VAV1: variants seen among roughly 807,000 people sequenced by gnomAD.
VAV1 encodes vav guanine nucleotide exchange factor 1.
In VAV1, 33 loss-of-function variants were observed where a neutral mutation model predicts 128.1. The observed-to-expected ratio is 0.26, with a 90% confidence interval of 0.20 to 0.34. The LOEUF is 0.34. Among genes scored for constraint, VAV1 ranks in the 10% least tolerant of loss-of-function variants. VAV1 has a pLI of 1.00. For missense variants in VAV1, 715 were observed against 1,093.7 expected (o/e 0.65, Z 4.88); for synonymous variants, 394 against 409.8 (o/e 0.96, Z 0.47).
At chr19:6,849,591 G>A (rs1972616313) in intron 23 of VAV1, among the ~76,000 whole-genome samples, 1 of 152,012 alleles carries the variant, frequency 6.6e-6, no homozygotes, top group Non-Finnish European at 1.5e-5. Flanking sequence ...GGGATTACAG[G>A]CGTGAGCCAC....
In VAV1 at chr19:6,808,846, GC is replaced by G. The variant is rs557777276; in HGVS notation, c.205-11854del. On this transcript the variant is annotated intron_variant, in intron 1 of 26. Coordinates refer to ENST00000602142, the MANE Select transcript of VAV1 (RefSeq NM_005428.4). Reference sequence around the variant, plus strand: ...TGGCTGGGGTAGGTAGTCTAGGAGGGCCTCATTCACATATCTGCTGGTTGGC... The same window carrying G: ...TGGCTGGGGTAGGTAGTCTAGGAGGGCTCATTCACATATCTGCTGGTTGGC... Among the ~76,000 whole-genome samples the G allele has an allele frequency of 7.6e-3, 1,160 of 152,226 alleles. 16 individuals are homozygous for G. The highest frequency in any genetic ancestry group is 0.011 in the Non-Finnish European group (723 of 68,016).
intron 9 of VAV1, chr19:6,827,110 T>G: frequency 4.5e-6 from 1 of 223,174 alleles, no homozygotes; most frequent in Non-Finnish European, 9.3e-6. Context: ...CCTGGATCTG[T>G]CTGGTGGAAA....
intron 14 of VAV1, among the ~76,000 whole-genome samples, chr19:6,831,572 A>G (rs1249933016): frequency 1.3e-5 from 2 of 152,110 alleles, no homozygotes; most frequent in Non-Finnish European, 2.9e-5. Flanking sequence ...TCAGCCTCCC[A>G]AAATGCTGGG....
At chr19:6,801,032 T>C (rs1453599032) in intron 1 of VAV1, among the ~76,000 whole-genome samples, 3 of 152,188 alleles carry the variant, frequency 2.0e-5, no homozygotes, top group African/African-American at 7.2e-5. Context: ...CTCTCTGTGC[T>C]TCCCGGCACA....
At chr19:6,854,884 G>A (rs2144837164) in intron 26 of VAV1, among the ~76,000 whole-genome samples, 1 of 152,258 alleles carries the variant, frequency 6.6e-6, no homozygotes, top group Middle Eastern at 3.4e-3. Flanking sequence ...TATATGTGTT[G>A]GGGGAAAGCA....
At chr19:6,791,244 C>T (rs1316663726) in intron 1 of VAV1, among the ~76,000 whole-genome samples, 1 of 152,108 alleles carries the variant, frequency 6.6e-6, no homozygotes, top group African/African-American at 2.4e-5. Flanking sequence ...GATATCTCCT[C>T]ATCTCGAGGT....
At chr19:6,837,289 A>T (rs1416405154) in intron 21 of VAV1, among the ~76,000 whole-genome samples, 1 of 152,150 alleles carries the variant, frequency 6.6e-6, no homozygotes, top group Non-Finnish European at 1.5e-5. Context: ...TTTCCTTCCT[A>T]CATGGGTATG....
Position 6,822,602 on chromosome 19 carries a change from A to G in VAV1, c.654+88A>G. On this transcript the variant is annotated intron_variant, in intron 6 of 26. Transcript: ENST00000602142. The surrounding 1 kb of genome is among the most constrained non-coding windows in gnomAD (Gnocchi z 5.9). ...GTCCACCTGTCCGGCCGCTCTGGGC[A>G]GCTGAGGATTTCCTGCTCCCATCGC... The G allele has an allele frequency of 8.4e-7, 1 of 1,194,876 alleles. No homozygotes were observed. The highest frequency in any genetic ancestry group is 1.4e-5 in the South Asian group (1 of 72,394). 74.0% of individuals were successfully genotyped at this position (1,194,876 alleles called of 1,614,324 possible).
In VAV1 at chr19:6,822,271, A is replaced by G. The variant is rs1345103912; in HGVS notation, c.500A>G (p.Glu167Gly). The G allele has an allele frequency of 6.3e-7, 1 of 1,588,658 alleles. No homozygotes were observed. The stretch of plus-strand genomic sequence containing the variant: ...CTGTATGACTGCGTGGAGAATGAGG[A>G]GGCGGAAGGCGACGAGATCTATGAG... ...EDLYDCVENE[E>G]AEGDEIYEDL... The change falls in exon 5 of 27, where the codon GAG (glutamate) becomes GGG (glycine). Residue 167 changes from glutamate to glycine, a missense_variant. Coordinates refer to ENST00000602142, the MANE Select transcript of VAV1 (RefSeq NM_005428.4). This position sits in a 1 kb window ranked among gnomAD's most constrained non-coding sequence, Gnocchi z 5.9.
intron 1 of VAV1, among the ~76,000 whole-genome samples, chr19:6,815,270 C>T (rs1399816738): frequency 1.3e-5 from 2 of 152,104 alleles, no homozygotes; most frequent in East Asian, 3.9e-4. Context: ...GCCTCAGCCT[C>T]CCAAGTAGCT....
At chr19:6,845,673 TTTTA>T (rs1265448204) in intron 22 of VAV1, among the ~76,000 whole-genome samples, 6 of 149,920 alleles carry the variant, frequency 4.0e-5, no homozygotes, top group East Asian at 1.9e-4. Context: ...AATTAATGTT[TTTTA>T]TTTATGTTGC....
In VAV1 at chr19:6,792,188, CA is replaced by C. The variant is rs1971032950; in HGVS notation, c.204+19183del. Among the ~76,000 whole-genome samples, 6 of 151,014 alleles carry C rather than the reference CA, an allele frequency of 4.0e-5. No individual in the cohort carries two copies. The South Asian group carries it at 1.3e-3, about 32-fold the overall frequency. ...GCAACATAGTGAGATCCCACCTCTA[CA>C]AAAAACAAAAAAAGAAGAGAGATCT... On this transcript the variant is annotated intron_variant, in intron 1 of 26. Coordinates refer to ENST00000602142, the MANE Select transcript of VAV1 (RefSeq NM_005428.4).
chr19:6,799,375 G>T (rs1186522684), intron 1 of VAV1, among the ~76,000 whole-genome samples: 1 of 152,042 alleles, frequency 6.6e-6, no homozygotes, highest in African/African-American at 2.4e-5. Context: ...TCACCATGTT[G>T]ACCAGGCTGG....
chr19:6,848,746 C>CT lies in VAV1; in HGVS notation c.2129+641dup, dbSNP rs202232330. Among the ~76,000 whole-genome samples the CT allele has an allele frequency of 3.1e-3, 465 of 149,728 alleles. 2 individuals are homozygous for CT. Among genetic ancestry groups the CT allele is most frequent in the African/African-American group, 9.9e-3 (407 of 40,922 alleles). ...ACCAATTTTCATATATATGTTTTTT[C>CT]TTTTTTTTTAACTTCCAGGAATTTC... On this transcript the variant is annotated intron_variant, in intron 23 of 26. Coordinates refer to ENST00000602142, the MANE Select transcript of VAV1 (RefSeq NM_005428.4).
chr19:6,809,397 A>T (rs1211043900), intron 1 of VAV1, among the ~76,000 whole-genome samples: 1 of 152,162 alleles, frequency 6.6e-6, no homozygotes, highest in Non-Finnish European at 1.5e-5. Context: ...TTTGGCTGGT[A>T]GGAGCTGGAA....
Position 6,777,665 on chromosome 19 carries a change from GC to G in VAV1, c.204+4655del, listed in dbSNP as rs1484869599. Among the ~76,000 whole-genome samples, 2 of 152,160 alleles carry G rather than the reference GC, an allele frequency of 1.3e-5. No homozygotes were observed. Among genetic ancestry groups the G allele is most frequent in the Admixed American group, 6.6e-5 (1 of 15,260 alleles). ...TATGTTCAGGGCAGTGACTGGCCCAGCTGGTGGGAATGGTGCAGGAGGTCAG... is the reference window on the plus strand; with the variant it reads ...TATGTTCAGGGCAGTGACTGGCCCAGTGGTGGGAATGGTGCAGGAGGTCAG... On this transcript the variant is annotated intron_variant, in intron 1 of 26. Transcript: ENST00000602142. This position sits in a 1 kb window ranked among gnomAD's most constrained non-coding sequence, Gnocchi z 4.4.
chr19:6,792,421 C>T (rs1971037274), intron 1 of VAV1, among the ~76,000 whole-genome samples: 1 of 151,248 alleles, frequency 6.6e-6, no homozygotes, highest in African/African-American at 2.4e-5. Context: ...AGGGTGGTGT[C>T]TAGGTTTACA....
intron 16 of VAV1, 78 bp downstream of exon 16, chr19:6,833,363 G>A: frequency 3.4e-6 from 5 of 1,478,962 alleles, no homozygotes; most frequent in Non-Finnish European, 4.6e-6. Flanking sequence ...CTAGTAATTG[G>A]TTCCCTAAAT....
At chr19:6,788,442 G>A (rs889229902) in intron 1 of VAV1, among the ~76,000 whole-genome samples, 1 of 150,716 alleles carries the variant, frequency 6.6e-6, no homozygotes, top group Non-Finnish European at 1.5e-5. Flanking sequence ...GCACAATCTC[G>A]GCTCAGTGCA....
Sources: gnomAD v4.1 joint callset for allele counts (sites outside exome capture counted in the v4.1 genomes callset) on GRCh38, gnomAD v4.1.1 for gene constraint, Gnocchi (gnomAD v3.1) non-coding constraint, MANE v1.5 for transcripts, NCBI Gene and HGNC (gene_info 2026-07-23, HGNC 2026-07-21) for gene names.